SRGAP3: variants seen among roughly 807,000 people sequenced by gnomAD.
SRGAP3 encodes the protein SLIT-ROBO Rho GTPase-activating protein 3.
A neutral mutation model predicts 121.1 loss-of-function variants in SRGAP3; 39 were observed. The ratio of observed to expected loss-of-function variants is 0.32; its 90% CI spans 0.25 to 0.42. The LOEUF (loss-of-function observed/expected upper bound fraction) is 0.42. Ranked by LOEUF, SRGAP3 falls within the 10% of genes least tolerant of loss-of-function variation. The pLI is 1.00. For synonymous variants in SRGAP3, 601 were observed against 570.0 expected (o/e 1.05, Z -0.77); for missense variants, 1,213 against 1,470.6 (o/e 0.82, Z 2.86).
At chr3:9,017,041 C>T (rs1391746279) in intron 14 of SRGAP3, among the ~76,000 whole-genome samples, 1 of 152,106 alleles carries the variant, frequency 6.6e-6, no homozygotes, top group Non-Finnish European at 1.5e-5. Context: ...CAAAAAAAAT[C>T]CCCAATTACT....
chr3:9,012,947 C>T (rs190927352), intron 17 of SRGAP3, among the ~76,000 whole-genome samples: 1 of 152,100 alleles, frequency 6.6e-6, no homozygotes, highest in African/African-American at 2.4e-5. Context: ...AAGAATGAAG[C>T]CAACACAGAA....
chr3:9,051,017 CTTTTTTTTTTTTTTT>C (rs71049766), intron 9 of SRGAP3, among the ~76,000 whole-genome samples: 5 of 81,830 alleles, frequency 6.1e-5, no homozygotes, highest in Non-Finnish European at 2.4e-5. Flanking sequence ...AGCCTCATTG[CTTTTTTTTTTTTTTT>C]TTTTTTTTTT....
At chr3:9,196,104 A>G (rs1455715012) in intron 1 of SRGAP3, among the ~76,000 whole-genome samples, 2 of 152,194 alleles carry the variant, frequency 1.3e-5, no homozygotes, top group Non-Finnish European at 2.9e-5. Context: ...AGTGGGTAGG[A>G]TTTTGATTTG....
chr3:9,112,870 G>C (rs1375845849), intron 2 of SRGAP3, among the ~76,000 whole-genome samples: 1 of 152,200 alleles, frequency 6.6e-6, no homozygotes, highest in Non-Finnish European at 1.5e-5. Context: ...CTGGTGCCCA[G>C]GCCAACCTGG....
intron 2 of SRGAP3, among the ~76,000 whole-genome samples, chr3:9,115,608 G>A (rs953215840): frequency 1.3e-5 from 2 of 152,056 alleles, no homozygotes; most frequent in Admixed American, 6.6e-5. Flanking sequence ...TCTTCAGGCT[G>A]AGCCTCCTAT....
intron 1 of SRGAP3, among the ~76,000 whole-genome samples, chr3:9,228,280 G>C (rs1953064374): frequency 6.6e-6 from 1 of 152,162 alleles, no homozygotes; most frequent in Non-Finnish European, 1.5e-5. Flanking sequence ...TACTGCATGA[G>C]AACAGGCACC....
intron 1 of SRGAP3, among the ~76,000 whole-genome samples, chr3:9,358,639 G>C (rs2030643069): frequency 6.6e-6 from 1 of 152,206 alleles, no homozygotes; most frequent in Non-Finnish European, 1.5e-5. Context: ...CAGTCTCCAA[G>C]ACTATCCCCA....
chr3:9,002,436 G>A (rs572571243), intron 18 of SRGAP3, among the ~76,000 whole-genome samples: 8 of 152,226 alleles, frequency 5.3e-5, no homozygotes, highest in African/African-American at 1.9e-4. Context: ...TGCAGCTAAA[G>A]CAGTGCTTAG....
At chr3:9,094,111 T>C (rs745774599) in intron 3 of SRGAP3, among the ~76,000 whole-genome samples, 15 of 152,240 alleles carry the variant, frequency 9.9e-5, no homozygotes, top group Non-Finnish European at 1.6e-4. Context: ...TCCTCAATTA[T>C]AATTCTGACA....
intron 5 of SRGAP3, 119 bp from the exon 6 acceptor site, chr3:9,060,478 G>A: frequency 7.5e-7 from 1 of 1,327,358 alleles, no homozygotes; most frequent in Non-Finnish European, 1.0e-6. Context: ...CCAGGTGAGA[G>A]TGCAGTGGTG....
chr3:9,179,355 AGCAACCTTGG>A (rs1163691745), intron 1 of SRGAP3, among the ~76,000 whole-genome samples: 2 of 152,256 alleles, frequency 1.3e-5, no homozygotes. Context: ...TTCCTAGAAA[AGCAACCTTGG>A]GCAAGTTACT....
intron 12 of SRGAP3, chr3:9,028,000 A>C: frequency 7.3e-7 from 1 of 1,372,154 alleles, no homozygotes; most frequent in South Asian, 1.2e-5. Context: ...AAGAATATGG[A>C]CCCATCAGCA....
At chr3:9,121,540 C>T (rs1949004330) in intron 2 of SRGAP3, among the ~76,000 whole-genome samples, 1 of 152,212 alleles carries the variant, frequency 6.6e-6, no homozygotes, top group Admixed American at 6.5e-5. Context: ...CCCCCTCCAG[C>T]TGCACTGGCC....
chr3:9,176,984 G>A (rs986646451), intron 1 of SRGAP3, among the ~76,000 whole-genome samples: 6 of 152,190 alleles, frequency 3.9e-5, no homozygotes, highest in African/African-American at 1.4e-4. Flanking sequence ...AGGAGAGCTG[G>A]CCTGGGAGGT....
intron 14 of SRGAP3, among the ~76,000 whole-genome samples, chr3:9,019,406 G>A (rs890113295): frequency 6.6e-6 from 1 of 152,212 alleles, no homozygotes; most frequent in Non-Finnish European, 1.5e-5. Flanking sequence ...TTGGACAAGG[G>A]AAAATGTTAT....
At chr3:9,172,060 GGA>G (rs1341103580) in intron 1 of SRGAP3, among the ~76,000 whole-genome samples, 1 of 150,576 alleles carries the variant, frequency 6.6e-6, no homozygotes, top group Non-Finnish European at 1.5e-5. Flanking sequence ...TAGTTAGAAT[GGA>G]TTAGGGCCTT....
chr3:9,122,304 A>G (rs1949036518), intron 2 of SRGAP3, among the ~76,000 whole-genome samples: 1 of 152,164 alleles, frequency 6.6e-6, no homozygotes, highest in Non-Finnish European at 1.5e-5. Context: ...TTGTTTGAAA[A>G]AACACAATTT....
intron 18 of SRGAP3, among the ~76,000 whole-genome samples, chr3:9,005,764 G>C (rs1468385247): frequency 6.6e-6 from 1 of 152,146 alleles, no homozygotes; most frequent in Non-Finnish European, 1.5e-5. Flanking sequence ...GGAGAAATGT[G>C]GGGGGTAGGG....
chr3:9,053,677 T>A (rs536985696), intron 8 of SRGAP3, among the ~76,000 whole-genome samples: 2 of 152,346 alleles, frequency 1.3e-5, no homozygotes, highest in East Asian at 3.9e-4. Context: ...CCATTCTTCG[T>A]GCAACAAACT....
Sources: gnomAD v4.1 joint callset for allele counts (sites outside exome capture counted in the v4.1 genomes callset) on GRCh38, gnomAD v4.1.1 for gene constraint, MANE v1.5 for transcripts, NCBI Gene and HGNC (gene_info 2026-07-23, HGNC 2026-07-21) for gene names.